Variants in ETV6 observed in about 807,000 individuals in gnomAD.
ETV6 encodes the protein transcription factor ETV6.
ETV6 carries 16 observed loss-of-function variants against 51.1 expected under a neutral mutation model. That is an observed-to-expected ratio of 0.31 (90% CI 0.21 to 0.48). The LOEUF (loss-of-function observed/expected upper bound fraction) is 0.48. Ranked by LOEUF, ETV6 falls within the 20% of genes least tolerant of loss-of-function variation. ETV6 has a pLI of 0.99. For missense variants in ETV6, 458 were observed against 594.8 expected (o/e 0.77, Z 2.39); for synonymous variants, 240 against 224.1 (o/e 1.07, Z -0.64).
rs1419664660 is a variant in ETV6 at position 11,892,662 on chromosome 12, G to A, written c.*1616G>A. 3 of 232,964 alleles carry A rather than the reference G, an allele frequency of 1.3e-5. No homozygotes were observed. Among genetic ancestry groups the A allele is most frequent in the Non-Finnish European group, 2.5e-5 (3 of 118,002 alleles). The allele number at this position is 232,964 out of a possible 1,614,324, so 14.4% of individuals were successfully genotyped here. A position where few individuals can be genotyped will look rare whatever the true frequency, so the allele number is the denominator to read the frequency against. ...CTCTGTTTCCTCTACTCAGTTGGGG[G>A]AGAAACTCACAGCTCCTCCGGGATA... On this transcript the variant is annotated 3_prime_UTR_variant, in exon 8 of 8. Transcript: ENST00000396373.
chr12:11,825,353 A>G (rs1946137014), intron 2 of ETV6, among the ~76,000 whole-genome samples: 1 of 152,232 alleles, frequency 6.6e-6, no homozygotes, highest in Non-Finnish European at 1.5e-5. Flanking sequence ...GAAACAAGAA[A>G]GGTTTTAAAA....
intron 1 of ETV6, among the ~76,000 whole-genome samples, chr12:11,678,868 G>T (rs888859944): frequency 3.3e-5 from 5 of 152,154 alleles, no homozygotes; most frequent in African/African-American, 1.2e-4. Context: ...GGAAAAAAAG[G>T]GAGTGACTGG....
chr12:11,693,574 C>T (rs1864812521), intron 1 of ETV6, among the ~76,000 whole-genome samples: 3 of 152,198 alleles, frequency 2.0e-5, no homozygotes, highest in Non-Finnish European at 4.4e-5. Context: ...GTAGAGTTCA[C>T]CCAAGTTCGG....
chr12:11,671,513 G>T (rs1409503909), intron 1 of ETV6, among the ~76,000 whole-genome samples: 1 of 152,140 alleles, frequency 6.6e-6, no homozygotes, highest in African/African-American at 2.4e-5. Context: ...AAAGGAAAGA[G>T]AAATATTTAA....
At chr12:11,864,899 C>G (rs1315263361) in intron 4 of ETV6, among the ~76,000 whole-genome samples, 1 of 152,222 alleles carries the variant, frequency 6.6e-6, no homozygotes, top group East Asian at 1.9e-4. Flanking sequence ...TACCTCCTCT[C>G]TCCTTCACCA....
At chr12:11,886,169 A>G (rs754638636) in intron 7 of ETV6, 143 bp downstream of exon 7, 9 of 663,564 alleles carry the variant, frequency 1.4e-5, no homozygotes, top group Non-Finnish European at 2.4e-5. Context: ...GATACCAGGT[A>G]CTGGTTTGTT....
chr12:11,700,076 AT>A (rs1864950007), intron 1 of ETV6, among the ~76,000 whole-genome samples: 1 of 152,098 alleles, frequency 6.6e-6, no homozygotes, highest in Non-Finnish European at 1.5e-5. Context: ...ATCAACTTTG[AT>A]CCCCTTTCAG....
intron 2 of ETV6, among the ~76,000 whole-genome samples, chr12:11,829,143 A>G (rs934545839): frequency 6.6e-6 from 1 of 152,156 alleles, no homozygotes; most frequent in African/African-American, 2.4e-5. Flanking sequence ...CAGAGCCGTC[A>G]TGCACCTTCC....
At chr12:11,777,194 A>C (rs1428809366) in intron 2 of ETV6, among the ~76,000 whole-genome samples, 2 of 142,334 alleles carry the variant, frequency 1.4e-5, no homozygotes, top group Admixed American at 7.7e-5. Flanking sequence ...GAGCCGAGAT[A>C]GCGCCACTGC....
At chr12:11,888,037 G>A (rs1225509091) in intron 7 of ETV6, among the ~76,000 whole-genome samples, 2 of 152,130 alleles carry the variant, frequency 1.3e-5, no homozygotes, top group Non-Finnish European at 2.9e-5. Flanking sequence ...TGAGATCTGG[G>A]AGACTAGAAA....
At chr12:11,668,400 G>T (rs7137918) in intron 1 of ETV6, among the ~76,000 whole-genome samples, 12,745 of 135,420 alleles carry the variant, frequency 0.094, 1,798 homozygotes, top group African/African-American at 0.31. Flanking sequence ...GCACTGTTTT[G>T]TTTTTTTTTT....
chr12:11,665,825 TG>T (rs748648595), intron 1 of ETV6, among the ~76,000 whole-genome samples: 62 of 152,334 alleles, frequency 4.1e-4, no homozygotes, highest in Admixed American at 2.0e-3. Flanking sequence ...GCATAAGTAC[TG>T]ACATGTACAC....
chr12:11,772,680 A>G (rs1945259328), intron 2 of ETV6, among the ~76,000 whole-genome samples: 1 of 152,238 alleles, frequency 6.6e-6, no homozygotes, highest in African/African-American at 2.4e-5. Context: ...TCCACCACCA[A>G]GTCAGAGCGT....
At chr12:11,731,853 C>A (rs1865606020) in intron 1 of ETV6, among the ~76,000 whole-genome samples, 1 of 152,180 alleles carries the variant, frequency 6.6e-6, no homozygotes, top group African/African-American at 2.4e-5. Flanking sequence ...TTTTGTCTGT[C>A]TGTATGTATT....
chr12:11,867,428 A>G (rs1946805453), intron 4 of ETV6, among the ~76,000 whole-genome samples: 1 of 152,244 alleles, frequency 6.6e-6, no homozygotes, highest in Non-Finnish European at 1.5e-5. Flanking sequence ...ATTGATAGCT[A>G]TTCCAATGAT....
intron 1 of ETV6, among the ~76,000 whole-genome samples, chr12:11,750,311 C>T (rs1865996882): frequency 6.6e-6 from 1 of 152,210 alleles, no homozygotes; most frequent in East Asian, 1.9e-4. Flanking sequence ...CTTTTGTCAG[C>T]TGGCTGGGGA....
chr12:11,829,946 C>A (rs866362819), intron 2 of ETV6, among the ~76,000 whole-genome samples: 5 of 152,090 alleles, frequency 3.3e-5, no homozygotes, highest in Non-Finnish European at 7.3e-5. Flanking sequence ...ACAGGCAGAC[C>A]CAGAGGAGTG....
At chr12:11,674,933 T>C (rs1864391632) in intron 1 of ETV6, among the ~76,000 whole-genome samples, 1 of 152,194 alleles carries the variant, frequency 6.6e-6, no homozygotes, top group Non-Finnish European at 1.5e-5. Flanking sequence ...CCTCCTAATG[T>C]TGGAGGAAAG....
At chr12:11,835,507 G>A (rs1461848802) in intron 2 of ETV6, among the ~76,000 whole-genome samples, 1 of 152,184 alleles carries the variant, frequency 6.6e-6, no homozygotes, top group Non-Finnish European at 1.5e-5. Flanking sequence ...TTGCAGCTGT[G>A]AGCCGTGTAA....
Sources: gnomAD v4.1 joint callset for allele counts (sites outside exome capture counted in the v4.1 genomes callset) on GRCh38, gnomAD v4.1.1 for gene constraint, MANE v1.5 for transcripts, NCBI Gene and HGNC (gene_info 2026-07-23, HGNC 2026-07-21) for gene names.